Variants in SGCZ observed in about 807,000 individuals in gnomAD.
SGCZ encodes zeta-sarcoglycan.
A neutral mutation model predicts 41.3 loss-of-function variants in SGCZ; 40 were observed. The ratio of observed to expected loss-of-function variants is 0.97; its 90% CI spans 0.75 to 1.26. The LOEUF is 1.26. SGCZ is among the 50% of genes most tolerant of loss of function. The pLI is 0.00. For missense variants in SGCZ, 552 were observed against 369.8 expected, an observed-to-expected ratio of 1.49 and a Z score of -4.04; for synonymous variants, 206 against 137.5, an observed-to-expected ratio of 1.50 and a Z score of -3.49.
In SGCZ at chr8:14,875,108, G is replaced by A. The variant is rs373194548; in HGVS notation, c.40-320182C>T. On this transcript the variant is annotated intron_variant, in intron 1 of 7. Transcript: ENST00000382080. ...GAAATTTATTTCTCACAGTTCTGGAGGCTGGGAAATTCAAGCACAAGGTGC... is the reference window on the plus strand; with the variant it reads ...GAAATTTATTTCTCACAGTTCTGGAAGCTGGGAAATTCAAGCACAAGGTGC... Among the ~76,000 whole-genome samples the A allele has an allele frequency of 2.6e-5, 4 of 152,128 alleles. No homozygotes were observed. The East Asian group carries it at 7.7e-4, about 29-fold the overall frequency.
chr8:14,582,470 C>A (rs1804923367), intron 1 of SGCZ, among the ~76,000 whole-genome samples: 1 of 152,148 alleles, frequency 6.6e-6, no homozygotes, highest in African/African-American at 2.4e-5. Context: ...GCTTATAAAT[C>A]AGCTAAACTT....
intron 2 of SGCZ, among the ~76,000 whole-genome samples, chr8:14,509,477 A>G (rs1802406381): frequency 6.6e-6 from 1 of 152,134 alleles, no homozygotes; most frequent in Admixed American, 6.6e-5. Context: ...GATGTGCCCA[A>G]ATTTATATTA....
intron 3 of SGCZ, among the ~76,000 whole-genome samples, chr8:14,251,868 A>T (rs1416853522): frequency 6.6e-6 from 1 of 151,938 alleles, no homozygotes; most frequent in Admixed American, 6.6e-5. Flanking sequence ...GGCGCTCACC[A>T]CCACCTAATT....
intron 1 of SGCZ, among the ~76,000 whole-genome samples, chr8:14,803,563 G>A (rs544964541): frequency 4.3e-4 from 66 of 152,240 alleles, no homozygotes; most frequent in African/African-American, 1.1e-3. Context: ...TCCCGCACCC[G>A]GCTCAGAGGG....
At chr8:15,147,259 G>A (rs577845278) in intron 1 of SGCZ, among the ~76,000 whole-genome samples, 1 of 152,166 alleles carries the variant, frequency 6.6e-6, no homozygotes, top group South Asian at 2.1e-4. Flanking sequence ...TCATGAAGCA[G>A]AAATTAAAAG....
chr8:14,503,548 T>C (rs994906780), intron 2 of SGCZ, among the ~76,000 whole-genome samples: 1 of 152,030 alleles, frequency 6.6e-6, no homozygotes, highest in Non-Finnish European at 1.5e-5. Flanking sequence ...GGCAGGCAAA[T>C]CATGAGTTCA....
intron 5 of SGCZ, among the ~76,000 whole-genome samples, chr8:14,117,936 G>C (rs1157725166): frequency 8.1e-6 from 1 of 123,300 alleles, no homozygotes; most frequent in African/African-American, 2.9e-5. Flanking sequence ...TGGTTGCTTA[G>C]TATTCCATGG....
In SGCZ at chr8:15,034,931, G is replaced by A. The variant is rs183735481; in HGVS notation, c.39+202654C>T. ...AAAACTGAAGTAATTCAGTACCATC[G>A]GACTTGTCTCCTAAGAAAGCCTATT... On this transcript the variant is annotated intron_variant, in intron 1 of 7. Coordinates refer to ENST00000382080, the MANE Select transcript of SGCZ (RefSeq NM_139167.4). Among the ~76,000 whole-genome samples the A allele has an allele frequency of 9.2e-5, 14 of 152,160 alleles. No individual in the cohort carries two copies. In the East Asian group the frequency reaches 1.7e-3, roughly 19 times the overall value.
intron 1 of SGCZ, among the ~76,000 whole-genome samples, chr8:14,995,953 G>A (rs1028703849): frequency 6.6e-6 from 1 of 151,978 alleles, no homozygotes; most frequent in African/African-American, 2.4e-5. Context: ...GTCCGGGGTG[G>A]AGTGCAGTGG....
chr8:15,057,540 A>T (rs1418021405), intron 1 of SGCZ, among the ~76,000 whole-genome samples: 1 of 152,196 alleles, frequency 6.6e-6, no homozygotes, highest in Non-Finnish European at 1.5e-5. Context: ...TTCATTACCT[A>T]TTCATGTATT....
rs192678380 is a variant in SGCZ at position 14,137,258 on chromosome 8, A to G, written c.547+27322T>C. On this transcript the variant is annotated intron_variant, in intron 5 of 7. Coordinates refer to ENST00000382080, the MANE Select transcript of SGCZ (RefSeq NM_139167.4). ...AGAAAAGCTGAAAATTTAAAAAACC[A>G]GAGCACCTCTTCTCCTCCAAAGATC... is the stretch of plus-strand genomic sequence containing the variant. Among the ~76,000 whole-genome samples the G allele has an allele frequency of 6.4e-3, 973 of 152,390 alleles. 6 individuals are homozygous for G. The highest frequency in any genetic ancestry group is 0.022 in the African/African-American group (921 of 41,592).
chr8:14,169,399 A>G (rs559192744), intron 4 of SGCZ, among the ~76,000 whole-genome samples: 3 of 152,016 alleles, frequency 2.0e-5, no homozygotes, highest in South Asian at 2.1e-4. Context: ...GCCAACTCCA[A>G]TCAGGCATTA....
At chr8:14,451,348 A>G (rs1037037405) in intron 2 of SGCZ, among the ~76,000 whole-genome samples, 1 of 152,182 alleles carries the variant, frequency 6.6e-6, no homozygotes, top group Non-Finnish European at 1.5e-5. Flanking sequence ...TCATCAATCT[A>G]TTGTTAGCAG....
At chr8:14,525,436 T>C (rs535523072) in intron 2 of SGCZ, among the ~76,000 whole-genome samples, 15 of 152,188 alleles carry the variant, frequency 9.9e-5, no homozygotes, top group Admixed American at 2.0e-4. Flanking sequence ...ATGTATGTTA[T>C]ACTTTGTTTT....
intron 1 of SGCZ, among the ~76,000 whole-genome samples, chr8:14,774,522 G>A (rs1800342331): frequency 6.6e-6 from 1 of 152,130 alleles, no homozygotes; most frequent in East Asian, 1.9e-4. Flanking sequence ...AGCCCTTATG[G>A]CTTCTCCCAC....
At chr8:15,187,707 C>A (rs988233618) in intron 1 of SGCZ, among the ~76,000 whole-genome samples, 1 of 152,062 alleles carries the variant, frequency 6.6e-6, no homozygotes, top group Admixed American at 6.5e-5. Context: ...AAAATTATTT[C>A]TATTTCTAAA....
chr8:14,954,134 T>G (rs748289454), intron 1 of SGCZ, among the ~76,000 whole-genome samples: 5 of 152,242 alleles, frequency 3.3e-5, no homozygotes, highest in Non-Finnish European at 7.3e-5. Context: ...AGATGCATAA[T>G]GTAGACTTGT....
At chr8:14,802,667 C>T (rs1392883762) in intron 1 of SGCZ, among the ~76,000 whole-genome samples, 2 of 152,088 alleles carry the variant, frequency 1.3e-5, no homozygotes, top group Admixed American at 6.5e-5. Context: ...TGATTTTCCT[C>T]CCCAAAACTA....
intron 1 of SGCZ, among the ~76,000 whole-genome samples, chr8:14,884,176 C>T (rs1372789676): frequency 6.6e-6 from 1 of 152,018 alleles, no homozygotes; most frequent in Non-Finnish European, 1.5e-5. Context: ...TTCTCTAAGA[C>T]TCTGATTAAT....
Sources: gnomAD v4.1 joint callset for allele counts (sites outside exome capture counted in the v4.1 genomes callset) on GRCh38, gnomAD v4.1.1 for gene constraint, MANE v1.5 for transcripts, NCBI Gene and HGNC (gene_info 2026-07-23, HGNC 2026-07-21) for gene names.